HEMK2: variants seen among roughly 807,000 people sequenced by gnomAD.
The protein encoded by HEMK2 is HemK methyltransferase 2, ETF1 glutamine and histone H4 lysine.
At chr21:28,816,617 C>T in the HEMK2 span, among the ~76,000 whole-genome samples, 1 of 152,116 alleles carries the variant, frequency 6.6e-6, no homozygotes, top group African/African-American at 2.4e-5. Flanking sequence ...GGAGTTGGAG[C>T]CCGCACTGAA....
At chr21:28,786,847 C>T in the HEMK2 span, among the ~76,000 whole-genome samples, 1 of 151,976 alleles carries the variant, frequency 6.6e-6, no homozygotes, top group East Asian at 1.9e-4. Context: ...TATTTTCAAC[C>T]ATTGATAGAA....
At chr21:28,580,400 G>A in the HEMK2 span, among the ~76,000 whole-genome samples, 20 of 152,178 alleles carry the variant, frequency 1.3e-4, no homozygotes, top group Admixed American at 7.2e-4. Context: ...GGGCTAGCAC[G>A]GGCAGGGCAG....
chr21:28,778,683 A>G, the HEMK2 span, among the ~76,000 whole-genome samples: 1 of 152,206 alleles, frequency 6.6e-6, no homozygotes, highest in Non-Finnish European at 1.5e-5. Flanking sequence ...CTAACAATGA[A>G]TATCTTTTCA....
the HEMK2 span, among the ~76,000 whole-genome samples, chr21:28,769,721 T>C: frequency 2.0e-5 from 3 of 152,154 alleles, no homozygotes; most frequent in African/African-American, 7.2e-5. Flanking sequence ...AGTGTAAGCT[T>C]TCTTGTCCTA....
chr21:28,882,118 T>G, the HEMK2 span: 1 of 1,500,196 alleles, frequency 6.7e-7, no homozygotes, highest in South Asian at 1.2e-5. Flanking sequence ...CATCTTAACT[T>G]TATTTGAAAA....
At chr21:28,745,015 A>G in the HEMK2 span, among the ~76,000 whole-genome samples, 6 of 152,268 alleles carry the variant, frequency 3.9e-5, no homozygotes, top group Non-Finnish European at 5.9e-5. Context: ...TTTTTTCAAC[A>G]CCCATTTTCC....
At chr21:28,747,219 T>A in the HEMK2 span, among the ~76,000 whole-genome samples, 1 of 152,254 alleles carries the variant, frequency 6.6e-6, no homozygotes, top group East Asian at 1.9e-4. Flanking sequence ...GAGGAGAAAG[T>A]TTCTGGGTGG....
chr21:28,801,377 T>C, the HEMK2 span, among the ~76,000 whole-genome samples: 1 of 152,190 alleles, frequency 6.6e-6, no homozygotes, highest in Non-Finnish European at 1.5e-5. Flanking sequence ...AATAAAACTA[T>C]AAACATTCTT....
the HEMK2 span, among the ~76,000 whole-genome samples, chr21:28,608,370 C>T: frequency 6.9e-6 from 1 of 145,128 alleles, no homozygotes; most frequent in African/African-American, 2.6e-5. Context: ...AGCTTCAAGG[C>T]TAATACGTTT....
chr21:28,676,375 C>A, the HEMK2 span, among the ~76,000 whole-genome samples: 1 of 152,174 alleles, frequency 6.6e-6, no homozygotes, highest in Non-Finnish European at 1.5e-5. Flanking sequence ...AATAGGACCT[C>A]ATTTTAATTT....
chr21:28,867,737 G>C, the HEMK2 span, among the ~76,000 whole-genome samples: 1 of 152,198 alleles, frequency 6.6e-6, no homozygotes, highest in Non-Finnish European at 1.5e-5. Flanking sequence ...GCCTCCCACA[G>C]TGCAGGGATT....
chr21:28,741,965 C>A, the HEMK2 span, among the ~76,000 whole-genome samples: 1 of 152,136 alleles, frequency 6.6e-6, no homozygotes, highest in Non-Finnish European at 1.5e-5. Context: ...GTCTTTAGGT[C>A]TTTGAGGAAT....
At chr21:28,857,041 T>G in the HEMK2 span, among the ~76,000 whole-genome samples, 4 of 152,206 alleles carry the variant, frequency 2.6e-5, no homozygotes, top group African/African-American at 9.6e-5. Context: ...CCCACTGGCT[T>G]GGAATTCTAG....
At chr21:28,703,775 G>C in the HEMK2 span, among the ~76,000 whole-genome samples, 1 of 152,112 alleles carries the variant, frequency 6.6e-6, no homozygotes, top group African/African-American at 2.4e-5. Context: ...TGTTTTTATA[G>C]AAGTACATTC....
chr21:28,763,198 C>T, the HEMK2 span, among the ~76,000 whole-genome samples: 1 of 152,080 alleles, frequency 6.6e-6, no homozygotes, highest in African/African-American at 2.4e-5. Context: ...ATTAGTCCAT[C>T]GTTTTGCTAT....
the HEMK2 span, among the ~76,000 whole-genome samples, chr21:28,702,517 T>C: frequency 6.6e-6 from 1 of 152,288 alleles, no homozygotes; most frequent in Admixed American, 6.5e-5. Context: ...CAGGCACTTT[T>C]CAAATGAAGA....
At chr21:28,634,064 C>T in the HEMK2 span, among the ~76,000 whole-genome samples, 3 of 152,136 alleles carry the variant, frequency 2.0e-5, no homozygotes, top group Non-Finnish European at 2.9e-5. Context: ...ACTGACTGCC[C>T]GTGGCGTCAC....
chr21:28,827,024 G>C, the HEMK2 span, among the ~76,000 whole-genome samples: 35 of 152,124 alleles, frequency 2.3e-4, no homozygotes, highest in African/African-American at 8.4e-4. Flanking sequence ...AAATCTCCCA[G>C]ATAACCTGGG....
At chr21:28,881,272 C>T in the HEMK2 span, among the ~76,000 whole-genome samples, 1 of 152,112 alleles carries the variant, frequency 6.6e-6, no homozygotes, top group Non-Finnish European at 1.5e-5. Context: ...ATCTAAGTGG[C>T]CTGAGTAGGG....
Sources: gnomAD v4.1 joint callset for allele counts (sites outside exome capture counted in the v4.1 genomes callset) on GRCh38, gnomAD v4.1.1 for gene constraint, MANE v1.5 for transcripts, NCBI Gene and HGNC (gene_info 2026-07-23, HGNC 2026-07-21) for gene names.